The following PDE1C variants were observed in gnomAD, a reference collection of about 807,000 sequenced individuals.
PDE1C encodes the protein dual specificity calcium/calmodulin-dependent 3',5'-cyclic nucleotide phosphodiesterase 1C.
Under a neutral mutation model 93.1 loss-of-function variants are expected in PDE1C, and 62 were observed. The observed-to-expected ratio is 0.67, with a 90% confidence interval of 0.54 to 0.82. PDE1C has a LOEUF of 0.82. PDE1C is among the 40% of genes least tolerant of loss of function. The pLI, the probability that PDE1C is intolerant of heterozygous loss-of-function variation, is 0.00. For missense variants in PDE1C, 742 were observed against 884.6 expected, an observed-to-expected ratio of 0.84 and a Z score of 2.04; for synonymous variants, 325 against 310.1, an observed-to-expected ratio of 1.05 and a Z score of -0.50.
At chr7:31,641,806 T>C in the PDE1C span, among the ~76,000 whole-genome samples, 15 of 152,200 alleles carry the variant, frequency 9.9e-5, no homozygotes, top group African/African-American at 3.4e-4. Context: ...CACACAAATA[T>C]ATAAAATGTG....
chr7:31,663,936 C>G, the PDE1C span, among the ~76,000 whole-genome samples: 66 of 152,174 alleles, frequency 4.3e-4, no homozygotes, highest in African/African-American at 1.5e-3. Context: ...TATTGCCCCA[C>G]AGTTCTTTGA....
chr7:32,182,878 C>T (rs959641086), intron 2 of PDE1C, among the ~76,000 whole-genome samples: 1 of 152,150 alleles, frequency 6.6e-6, no homozygotes, highest in Admixed American at 6.5e-5. Context: ...TTGCAGATGA[C>T]AAGATTGTAT....
At chr7:32,385,684 A>C (rs1490185978) in intron 1 of PDE1C, among the ~76,000 whole-genome samples, 2 of 152,212 alleles carry the variant, frequency 1.3e-5, no homozygotes, top group African/African-American at 4.8e-5. Context: ...AATGTCTGGC[A>C]GAGAGTGGAG....
the PDE1C span, among the ~76,000 whole-genome samples, chr7:31,663,607 T>C: frequency 6.6e-6 from 1 of 152,228 alleles, no homozygotes; most frequent in Non-Finnish European, 1.5e-5. Flanking sequence ...CTGCTATTAT[T>C]TACTTTTCAG....
At chr7:32,420,568 G>T (rs947122842) in intron 1 of PDE1C, among the ~76,000 whole-genome samples, 1 of 150,168 alleles carries the variant, frequency 6.7e-6, no homozygotes, top group East Asian at 2.0e-4. Context: ...AAAAAAGGGG[G>T]GGTGGTAATA....
At chr7:32,080,797 T>A (rs1796618632) in intron 3 of PDE1C, among the ~76,000 whole-genome samples, 1 of 152,128 alleles carries the variant, frequency 6.6e-6, no homozygotes, top group African/African-American at 2.4e-5. Context: ...TATAAAAGAA[T>A]AACATATCTA....
At chr7:31,974,687 C>G (rs1811419570) in intron 2 of PDE1C, among the ~76,000 whole-genome samples, 1 of 151,950 alleles carries the variant, frequency 6.6e-6, no homozygotes, top group African/African-American at 2.4e-5. Flanking sequence ...AGTCTCTTCA[C>G]CTCACTCCTA....
At chr7:31,748,168 A>G (rs1172131736), downstream of PDE1C, among the ~76,000 whole-genome samples, 1 of 150,226 alleles carries the variant, frequency 6.7e-6, no homozygotes, top group African/African-American at 2.4e-5. Context: ...AGCAAGAGGG[A>G]ATCAACTATG....
At chr7:32,165,200 A>T (rs1802157555) in intron 3 of PDE1C, among the ~76,000 whole-genome samples, 1 of 152,180 alleles carries the variant, frequency 6.6e-6, no homozygotes, top group Admixed American at 6.5e-5. Context: ...TGTAGGCTTC[A>T]AGGGCATGTA....
intron 2 of PDE1C, among the ~76,000 whole-genome samples, chr7:31,957,232 T>A (rs907177504): frequency 2.7e-5 from 4 of 150,838 alleles, no homozygotes; most frequent in African/African-American, 9.8e-5. Context: ...CAACCCCACG[T>A]TGACATTTCA....
intron 17 of PDE1C, among the ~76,000 whole-genome samples, chr7:31,772,931 C>T (rs1254984398): frequency 6.6e-6 from 1 of 152,182 alleles, no homozygotes; most frequent in Non-Finnish European, 1.5e-5. Context: ...GGGCAGGGGC[C>T]CCCATGGCAC....
At chr7:31,909,688 T>C (rs1180172047) in intron 2 of PDE1C, among the ~76,000 whole-genome samples, 1 of 152,214 alleles carries the variant, frequency 6.6e-6, no homozygotes, top group African/African-American at 2.4e-5. Flanking sequence ...AGGTATACTT[T>C]ATGATTGACA....
the PDE1C span, among the ~76,000 whole-genome samples, chr7:31,733,994 A>T: frequency 7.7e-6 from 1 of 129,046 alleles, no homozygotes; most frequent in African/African-American, 2.7e-5. Context: ...ACAGAGTGAG[A>T]CTCTGTTTCA....
At chr7:32,353,560 T>C (rs1476086488) in intron 1 of PDE1C, among the ~76,000 whole-genome samples, 7 of 150,880 alleles carry the variant, frequency 4.6e-5, no homozygotes, top group Non-Finnish European at 1.0e-4. Flanking sequence ...GTTTTTGTTT[T>C]TTTTTTTTTT....
intron 3 of PDE1C, among the ~76,000 whole-genome samples, chr7:32,130,467 A>G: frequency 6.6e-6 from 1 of 151,926 alleles, no homozygotes; most frequent in East Asian, 1.9e-4. Context: ...TGGAAAAAGT[A>G]CCTCACTCTC....
chr7:31,969,437 A>G (rs1810567355), intron 2 of PDE1C, among the ~76,000 whole-genome samples: 1 of 152,206 alleles, frequency 6.6e-6, no homozygotes, highest in African/African-American at 2.4e-5. Flanking sequence ...CAAAACCACA[A>G]CGAGATACCA....
chr7:31,750,704 A>C (rs1416206046), downstream of PDE1C, among the ~76,000 whole-genome samples: 1 of 152,228 alleles, frequency 6.6e-6, no homozygotes, highest in African/African-American at 2.4e-5. Flanking sequence ...TAAACTCCAA[A>C]GTTCCAATTG....
intron 3 of PDE1C, among the ~76,000 whole-genome samples, chr7:32,127,838 G>A (rs1257536769): frequency 6.6e-6 from 1 of 151,884 alleles, no homozygotes; most frequent in Non-Finnish European, 1.5e-5. Flanking sequence ...ATTTCAACGG[G>A]ACTTTTTAGA....
the PDE1C span, among the ~76,000 whole-genome samples, chr7:31,632,007 G>A: frequency 6.6e-6 from 1 of 152,152 alleles, no homozygotes; most frequent in African/African-American, 2.4e-5. Flanking sequence ...CCACCTGTTA[G>A]GAATGAAGGC....
Sources: gnomAD v4.1 joint callset for allele counts (sites outside exome capture counted in the v4.1 genomes callset) on GRCh38, gnomAD v4.1.1 for gene constraint, MANE v1.5 for transcripts, NCBI Gene and HGNC (gene_info 2026-07-23, HGNC 2026-07-21) for gene names.